The following DAB1 variants were observed in gnomAD, a reference collection of about 807,000 sequenced individuals.
DAB1 encodes DAB adaptor protein 1, also known as disabled homolog 1.
DAB1 carries 15 observed loss-of-function variants against 64.6 expected under a neutral mutation model. The ratio of observed to expected loss-of-function variants is 0.23; its 90% CI spans 0.16 to 0.36. The LOEUF is 0.36. Among genes scored for constraint, DAB1 ranks in the 10% least tolerant of loss-of-function variants. The pLI is 1.00. For missense variants in DAB1, 596 were observed against 706.7 expected, an observed-to-expected ratio of 0.84 and a Z score of 1.78; for synonymous variants, 235 against 251.9, an observed-to-expected ratio of 0.93 and a Z score of 0.64.
At chr1:57,245,978 A>G (rs1043435208) in intron 2 of DAB1, among the ~76,000 whole-genome samples, 1 of 152,228 alleles carries the variant, frequency 6.6e-6, no homozygotes, top group African/African-American at 2.4e-5. Context: ...GCATGAAGAA[A>G]GAGATGGTCT....
intron 3 of DAB1, among the ~76,000 whole-genome samples, chr1:58,450,389 G>C (rs561202907): frequency 6.6e-6 from 1 of 152,168 alleles, no homozygotes; most frequent in Non-Finnish European, 1.5e-5. Context: ...TTCCCACTCC[G>C]GGAGGTGGAG....
chr1:57,563,719 C>A (rs1332639373), intron 7 of DAB1, among the ~76,000 whole-genome samples: 2 of 152,156 alleles, frequency 1.3e-5, no homozygotes, highest in African/African-American at 4.8e-5. Flanking sequence ...GATCAAACTG[C>A]AAGGTGGCAG....
chr1:58,188,391 A>G (rs989490310), intron 4 of DAB1, among the ~76,000 whole-genome samples: 2 of 152,250 alleles, frequency 1.3e-5, no homozygotes, highest in African/African-American at 4.8e-5. Flanking sequence ...ACCATTGTTT[A>G]GAATTCACAA....
At chr1:58,067,973 A>C (rs1648964911) in intron 5 of DAB1, among the ~76,000 whole-genome samples, 1 of 152,266 alleles carries the variant, frequency 6.6e-6, no homozygotes, top group Admixed American at 6.5e-5. Flanking sequence ...ACAAACAGTA[A>C]GATAGTATGG....
intron 2 of DAB1, among the ~76,000 whole-genome samples, chr1:57,237,507 T>C (rs1250964568): frequency 6.6e-6 from 1 of 152,244 alleles, no homozygotes; most frequent in African/African-American, 2.4e-5. Flanking sequence ...ACTCCCATTT[T>C]CTACTGCCAA....
At chr1:58,356,487 T>C (rs6669643) in intron 3 of DAB1, among the ~76,000 whole-genome samples, 97 of 152,282 alleles carry the variant, frequency 6.4e-4, no homozygotes, top group African/African-American at 2.0e-3. Flanking sequence ...CTAATTTAGA[T>C]TATATCATTA....
chr1:57,599,181 T>G (rs1170062610), intron 7 of DAB1, among the ~76,000 whole-genome samples: 1 of 143,080 alleles, frequency 7.0e-6, no homozygotes. Context: ...TTGAGCTTCT[T>G]CTTTTTTTTT....
intron 1 of DAB1, among the ~76,000 whole-genome samples, chr1:57,871,486 G>C (rs1261877231): frequency 6.6e-6 from 1 of 152,120 alleles, no homozygotes; most frequent in African/African-American, 2.4e-5. Flanking sequence ...TTTAAACCAG[G>C]TCATCTGATT....
intron 3 of DAB1, among the ~76,000 whole-genome samples, chr1:58,427,934 T>C (rs1413686044): frequency 6.6e-6 from 1 of 152,190 alleles, no homozygotes; most frequent in Non-Finnish European, 1.5e-5. Flanking sequence ...GACATACACA[T>C]AATACATTTG....
intron 5 of DAB1, among the ~76,000 whole-genome samples, chr1:58,033,368 C>T (rs1646997965): frequency 6.6e-6 from 1 of 152,190 alleles, no homozygotes; most frequent in African/African-American, 2.4e-5. Flanking sequence ...ACCAGCCTGG[C>T]TGCTATCAGA....
chr1:57,878,733 C>G lies in DAB1; in HGVS notation n.87+5266G>C, dbSNP rs149451732. On this transcript the variant is annotated intron_variant and non_coding_transcript_variant, in intron 1 of 1. Coordinates refer to the DAB1 transcript ENST00000477280. ...TTGAAATTATGCAATAAAATATTAT[C>G]TATAGTCACCCAACAGTGCTGTAGA... 1.1e-4 allele frequency: 16 copies of G among 152,206 alleles called. No individual in the cohort carries two copies. The East Asian group carries it at 3.1e-3, about 29-fold the overall frequency. 9.4% of individuals were successfully genotyped at this position (152,206 alleles called of 1,614,324 possible). A position where few individuals can be genotyped will look rare whatever the true frequency, so the allele number is the denominator to read the frequency against.
intron 3 of DAB1, among the ~76,000 whole-genome samples, chr1:58,500,005 C>T (rs1388614999): frequency 2.0e-5 from 3 of 151,914 alleles, no homozygotes; most frequent in Non-Finnish European, 4.4e-5. Flanking sequence ...AGAGTCTTCA[C>T]GACTGGATTA....
At chr1:57,817,604 A>G (rs149231397) in intron 6 of DAB1, among the ~76,000 whole-genome samples, 11 of 152,202 alleles carry the variant, frequency 7.2e-5, no homozygotes, top group Non-Finnish European at 1.5e-4. Flanking sequence ...GCAACACTCA[A>G]TGTCAGGCAA....
At chr1:57,582,238 C>T (rs116672238) in intron 7 of DAB1, among the ~76,000 whole-genome samples, 2,159 of 152,194 alleles carry the variant, frequency 0.014, 61 homozygotes, top group African/African-American at 0.045. Context: ...CATGTGGCTG[C>T]GGAGGCTTCA....
At chr1:58,251,367 A>T (rs1361258033) in intron 4 of DAB1, among the ~76,000 whole-genome samples, 2 of 152,266 alleles carry the variant, frequency 1.3e-5, no homozygotes, top group Non-Finnish European at 2.9e-5. Context: ...GACGGAAAAT[A>T]AACAAGTAAA....
intron 9 of DAB1, among the ~76,000 whole-genome samples, chr1:57,044,682 C>G (rs550000420): frequency 6.6e-6 from 1 of 152,114 alleles, no homozygotes; most frequent in Non-Finnish European, 1.5e-5. Flanking sequence ...TATGAAAAAC[C>G]TTTTTAATTA....
intron 2 of DAB1, among the ~76,000 whole-genome samples, chr1:57,192,387 C>T (rs1023675320): frequency 1.3e-5 from 2 of 151,462 alleles, no homozygotes; most frequent in African/African-American, 2.4e-5. Context: ...ATACAAATCC[C>T]AGCCCTTCCA....
At chr1:58,108,083 C>G (rs1318454983) in intron 5 of DAB1, among the ~76,000 whole-genome samples, 3 of 152,164 alleles carry the variant, frequency 2.0e-5, no homozygotes, top group Admixed American at 6.5e-5. Context: ...TCTGGCTGCA[C>G]ACAGCACTGG....
intron 9 of DAB1, among the ~76,000 whole-genome samples, chr1:57,053,413 A>G (rs2100534483): frequency 6.6e-6 from 1 of 151,634 alleles, no homozygotes; most frequent in East Asian, 2.0e-4. Context: ...ATGCCCGGCT[A>G]ATTGTTTTAT....
Sources: gnomAD v4.1 joint callset for allele counts (sites outside exome capture counted in the v4.1 genomes callset) on GRCh38, gnomAD v4.1.1 for gene constraint, MANE v1.5 for transcripts, NCBI Gene and HGNC (gene_info 2026-07-23, HGNC 2026-07-21) for gene names.